PI4K2B: variants seen among roughly 807,000 people sequenced by gnomAD.
PI4K2B encodes the protein phosphatidylinositol 4-kinase type 2-beta.
In PI4K2B, 46 loss-of-function variants were observed where a neutral mutation model predicts 56.6. That is an observed-to-expected ratio of 0.81 (90% confidence interval 0.64 to 1.04). The LOEUF (loss-of-function observed/expected upper bound fraction) is 1.04. Among genes scored for constraint, PI4K2B ranks in the 50% least tolerant of loss-of-function variants. PI4K2B has a pLI of 0.00. For missense variants in PI4K2B, 556 were observed against 607.7 expected (o/e 0.91, Z 0.89); for synonymous variants, 211 against 223.8 (o/e 0.94, Z 0.51).
At position 25,249,794 on chromosome 4, in the gene PI4K2B, C is replaced by T. The variant is rs561651726; in HGVS notation, c.269-2527C>T. Among the ~76,000 whole-genome samples the T allele has an allele frequency of 1.6e-4, 24 of 151,918 alleles. No individual in the cohort carries two copies. The South Asian group carries it at 4.0e-3, about 25-fold the overall frequency. ...CAGACGATGGGCGGCCAGGCAGAGA[C>T]GCTCCTCACTTCCTAGACGGGGTGG... is the stretch of plus-strand genomic sequence containing the variant. On this transcript the variant is annotated intron_variant, in intron 1 of 9. Transcript: ENST00000264864.
intron 1 of PI4K2B, among the ~76,000 whole-genome samples, chr4:25,240,340 A>G (rs1172420237): frequency 1.3e-5 from 2 of 152,172 alleles, no homozygotes; most frequent in Non-Finnish European, 2.9e-5. Flanking sequence ...CAAAGAGTCT[A>G]TTTGGGATTG....
chr4:25,269,556 T>C (rs1716793659), intron 9 of PI4K2B, among the ~76,000 whole-genome samples: 1 of 151,196 alleles, frequency 6.6e-6, no homozygotes, highest in Non-Finnish European at 1.5e-5. Context: ...GGAGAATCGC[T>C]TGAACTCGGG....
intron 9 of PI4K2B, among the ~76,000 whole-genome samples, chr4:25,269,585 G>A (rs1716795649): frequency 6.6e-6 from 1 of 150,506 alleles, no homozygotes; most frequent in South Asian, 2.1e-4. Flanking sequence ...GTTGCAGTGA[G>A]CTGAGATCAC....
intron 9 of PI4K2B, among the ~76,000 whole-genome samples, chr4:25,270,774 T>TA (rs1466669245): frequency 6.6e-6 from 1 of 152,224 alleles, no homozygotes; most frequent in East Asian, 1.9e-4. Flanking sequence ...CTATGAATGG[T>TA]ATTTCTATTC....
At chr4:25,252,231 T>C (rs920689903) in intron 1 of PI4K2B, 90 bp from the exon 2 acceptor site, 2 of 920,814 alleles carry the variant, frequency 2.2e-6, no homozygotes, top group African/African-American at 3.3e-5. Context: ...TACATTTTTC[T>C]GTACCTTATA....
At chr4:25,235,941 G>A (rs1394038051) in intron 1 of PI4K2B, among the ~76,000 whole-genome samples, 1 of 152,110 alleles carries the variant, frequency 6.6e-6, no homozygotes, top group African/African-American at 2.4e-5. Flanking sequence ...ATAGCTTGAG[G>A]CTGGAAGTTC....
At chr4:25,269,304 C>T (rs779933866) in intron 9 of PI4K2B, 101 bp downstream of exon 9, 1 of 701,900 alleles carries the variant, frequency 1.4e-6, no homozygotes, top group Non-Finnish European at 2.5e-6. Context: ...TTTAATACTA[C>T]CTCTTATGCT....
chr4:25,278,129 A>G lies in PI4K2B; in HGVS notation c.*942A>G, dbSNP rs532274938. 4.3e-4 allele frequency: 65 copies of G among 152,338 alleles called. No individual in the cohort carries two copies. The highest frequency in any genetic ancestry group is 6.9e-4 in the Non-Finnish European group (47 of 68,012). 9.4% of individuals were successfully genotyped at this position (152,338 alleles called of 1,614,324 possible). A position where few individuals can be genotyped will look rare whatever the true frequency, so the allele number is the denominator to read the frequency against. Reference sequence around the variant, plus strand: ...TGATTGTACTATTGTACTTGAAATTACAGATGTTATTATAATTACAGTCAA... The same window carrying G: ...TGATTGTACTATTGTACTTGAAATTGCAGATGTTATTATAATTACAGTCAA... On this transcript the variant is annotated 3_prime_UTR_variant, in exon 10 of 10. Transcript: ENST00000264864.
chr4:25,276,416 G>C (rs1717095209), intron 9 of PI4K2B: 1 of 236,722 alleles, frequency 4.2e-6, no homozygotes, highest in Non-Finnish European at 6.9e-6. Flanking sequence ...TATTTGCCCT[G>C]CTTCATGCTT....
chr4:25,234,480 C>G, intron 1 of PI4K2B, 49 bp downstream of exon 1: 1 of 1,206,112 alleles, frequency 8.3e-7, no homozygotes, highest in East Asian at 3.2e-5. Context: ...GGCGGCTGCC[C>G]CTGTCGCCCG....
At chr4:25,243,759 T>C (rs1482619864) in intron 1 of PI4K2B, among the ~76,000 whole-genome samples, 1 of 152,220 alleles carries the variant, frequency 6.6e-6, no homozygotes, top group Admixed American at 6.5e-5. Flanking sequence ...CCCTGAGTTA[T>C]GGTGGACATC....
chr4:25,265,484 G>C (rs1716633031), intron 7 of PI4K2B, among the ~76,000 whole-genome samples: 1 of 151,882 alleles, frequency 6.6e-6, no homozygotes, highest in African/African-American at 2.4e-5. Context: ...TCCTATAAAT[G>C]CATATTAGGC....
chr4:25,234,893 C>G (rs1156581717), intron 1 of PI4K2B, among the ~76,000 whole-genome samples: 1 of 152,186 alleles, frequency 6.6e-6, no homozygotes, highest in Non-Finnish European at 1.5e-5. Flanking sequence ...GTTTCAAAAC[C>G]TTTTTCTATT....
chr4:25,273,291 T>C (rs1171930377), intron 9 of PI4K2B, among the ~76,000 whole-genome samples: 2 of 152,218 alleles, frequency 1.3e-5, no homozygotes, highest in African/African-American at 2.4e-5. Flanking sequence ...TATTTACTTA[T>C]AAGCAATGTG....
At chr4:25,242,096 G>A (rs546483931) in intron 1 of PI4K2B, among the ~76,000 whole-genome samples, 5 of 152,304 alleles carry the variant, frequency 3.3e-5, no homozygotes, top group East Asian at 3.9e-4. Flanking sequence ...GGCTGTATTC[G>A]TTCCTTGCTG....
chr4:25,259,640 GGAA>G (rs762589647), intron 5 of PI4K2B, among the ~76,000 whole-genome samples: 5 of 151,900 alleles, frequency 3.3e-5, no homozygotes, highest in African/African-American at 1.2e-4. Context: ...GGGCCACACT[GGAA>G]GAAGAATTGT....
intron 2 of PI4K2B, among the ~76,000 whole-genome samples, 159 bp downstream of exon 2, chr4:25,252,634 C>A (rs988128177): frequency 6.6e-6 from 1 of 151,962 alleles, no homozygotes; most frequent in Non-Finnish European, 1.5e-5. Flanking sequence ...TTTGAGACGC[C>A]CGGGGTCGCC....
At chr4:25,250,652 A>G (rs1577684119) in intron 1 of PI4K2B, 2 of 152,258 alleles carry the variant, frequency 1.3e-5, no homozygotes, top group African/African-American at 4.8e-5. Flanking sequence ...ATAGAAGTTT[A>G]CCTATGTAAC....
At chr4:25,265,552 C>A (rs562690007) in intron 7 of PI4K2B, among the ~76,000 whole-genome samples, 1 of 152,132 alleles carries the variant, frequency 6.6e-6, no homozygotes, top group African/African-American at 2.4e-5. Context: ...AGGTGGTACT[C>A]TATGGCTCTG....
Sources: allele counts gnomAD v4.1 joint callset (sites outside exome capture counted in the v4.1 genomes callset), GRCh38; gene constraint gnomAD v4.1.1; transcripts MANE v1.5; gene names NCBI Gene and HGNC (gene_info 2026-07-23, HGNC 2026-07-21).